The following CCDC134 variants were observed in gnomAD, a reference collection of about 807,000 sequenced individuals.
CCDC134 encodes coiled-coil domain-containing protein 134.
In CCDC134, 27 loss-of-function variants were observed where a neutral mutation model predicts 25.6. The ratio of observed to expected loss-of-function variants is 1.05; its 90% confidence interval spans 0.78 to 1.45. The LOEUF is 1.45. Among genes scored for constraint, CCDC134 ranks in the 40% most tolerant of loss-of-function variants. The pLI is 0.00. For synonymous variants in CCDC134, 110 were observed against 115.0 expected, an observed-to-expected ratio of 0.96 and a Z score of 0.28; for missense variants, 261 against 286.7, an observed-to-expected ratio of 0.91 and a Z score of 0.65.
chr22:41,825,183 C>T lies in CCDC134; in HGVS notation c.565-515C>T, dbSNP rs1026856085. Reference sequence around the variant, plus strand: ...AGGCCAACAGAAGCTATGAGTTAGACGAGACAATCTGGAGAGAGAGGAGGG... The same window carrying T: ...AGGCCAACAGAAGCTATGAGTTAGATGAGACAATCTGGAGAGAGAGGAGGG... On this transcript the variant is annotated intron_variant, in intron 6 of 6. Transcript: ENST00000255784. This position sits in a 1 kb window ranked among gnomAD's most constrained non-coding sequence, Gnocchi z 4.4. Among the ~76,000 whole-genome samples the T allele has an allele frequency of 3.9e-5, 6 of 151,996 alleles. No individual in the cohort carries two copies. Among genetic ancestry groups the T allele is most frequent in the African/African-American group, 4.8e-5 (2 of 41,352 alleles).
chr22:41,812,876 C>G (rs1271080630), intron 4 of CCDC134, among the ~76,000 whole-genome samples: 1 of 152,108 alleles, frequency 6.6e-6, no homozygotes, highest in Non-Finnish European at 1.5e-5. Flanking sequence ...TGTGATACAT[C>G]AGCATCTGTG....
At chr22:41,813,590 C>T in intron 5 of CCDC134, 145 bp downstream of exon 5, 2 of 1,228,478 alleles carry the variant, frequency 1.6e-6, no homozygotes, top group Non-Finnish European at 2.3e-6. Flanking sequence ...CCACAGAGGC[C>T]CCATTTCAAG....
At chr22:41,805,464 G>A (rs1298892622) in intron 1 of CCDC134, among the ~76,000 whole-genome samples, 1 of 152,050 alleles carries the variant, frequency 6.6e-6, no homozygotes, top group African/African-American at 2.4e-5. Flanking sequence ...TTCTTGAATA[G>A]TTTTCAAATT....
intron 1 of CCDC134, among the ~76,000 whole-genome samples, chr22:41,807,874 A>T (rs571650198): frequency 1.3e-5 from 2 of 152,038 alleles, no homozygotes; most frequent in Admixed American, 1.3e-4. Flanking sequence ...AAAAATAAAT[A>T]AAAAGGGCCG....
Position 41,813,785 on chromosome 22 carries a change from C to T in CCDC134, c.527C>T (p.Ser176Phe). 6.2e-7 allele frequency: 1 copy of T among 1,614,222 alleles called. No individual in the cohort carries two copies. The highest frequency in any genetic ancestry group is 8.5e-7 in the Non-Finnish European group (1 of 1,180,020). Reference sequence around the variant, plus strand: ...GAGCTGGGGATCAGTGAGAAAGACTCCAACTTCCAGAACCCATTTAAAATC... The same window carrying T: ...GAGCTGGGGATCAGTGAGAAAGACTTCAACTTCCAGAACCCATTTAAAATC... Reference protein sequence around the residue: ...AQELGISEKDSNFQNPFKIDR... With the variant: ...AQELGISEKDFNFQNPFKIDR... Residue 176 changes from serine to phenylalanine, a missense_variant, in exon 6 of 7, where the codon TCC becomes TTC. Coordinates refer to ENST00000255784, the MANE Select transcript of CCDC134 (RefSeq NM_024821.5).
At chr22:41,810,742 C>G (rs754883848) in intron 4 of CCDC134, among the ~76,000 whole-genome samples, 3 of 152,082 alleles carry the variant, frequency 2.0e-5, no homozygotes, top group Non-Finnish European at 4.4e-5. Flanking sequence ...GATCCGCCCA[C>G]CTCGGCCTCC....
At chr22:41,810,489 C>CTTTTTTTTTT (rs960666358) in intron 4 of CCDC134, among the ~76,000 whole-genome samples, 198 bp downstream of exon 4, 3 of 86,634 alleles carry the variant, frequency 3.5e-5, no homozygotes, top group African/African-American at 1.0e-4. Flanking sequence ...AATAGCATTT[C>CTTTTTTTTTT]TTTTTTTTTT....
Position 41,828,764 on chromosome 22 carries a change from C to A in CCDC134, c.*2941C>A, listed in dbSNP as rs940628663. On this transcript the variant is annotated 3_prime_UTR_variant, in exon 7 of 7. Coordinates refer to ENST00000255784, the MANE Select transcript of CCDC134 (RefSeq NM_024821.5). ...ACTATAGCGCTACCAACTGCATATA[C>A]CACTGTGGGAGTCGTGCTGGTGGCG... Among the ~76,000 whole-genome samples, 2 of 152,170 alleles carry A rather than the reference C, an allele frequency of 1.3e-5. No individual in the cohort carries two copies. The highest frequency in any genetic ancestry group is 4.8e-5 in the African/African-American group (2 of 41,446).
At chr22:41,813,949 A>C (rs759258621) in intron 6 of CCDC134, 127 bp downstream of exon 6, 80 of 741,640 alleles carry the variant, frequency 1.1e-4, no homozygotes, top group Admixed American at 3.2e-4. Context: ...GCCTGGGTCC[A>C]GAAGATATCA....
At chr22:41,801,895 A>C (rs937950862) in intron 1 of CCDC134, among the ~76,000 whole-genome samples, 2 of 152,228 alleles carry the variant, frequency 1.3e-5, no homozygotes, top group African/African-American at 2.4e-5. Flanking sequence ...AAAGGAAGAC[A>C]AAGGTTTTGA....
chr22:41,812,805 G>C (rs1243486208), intron 4 of CCDC134, among the ~76,000 whole-genome samples: 1 of 152,170 alleles, frequency 6.6e-6, no homozygotes, highest in Non-Finnish European at 1.5e-5. Context: ...GTTAACACCA[G>C]GGCCAGCACT....
At position 41,829,767 on chromosome 22, in the gene CCDC134, CTT is replaced by C. The variant is rs1027822749; in HGVS notation, c.*3946_*3947del. On this transcript the variant is annotated 3_prime_UTR_variant, in exon 7 of 7. Transcript: ENST00000255784. ...CCAGTCTAATCCATCCCTTTTCTTT[CTT>C]TCTTTCTTTTTTTTCTTTTTTTTTG... Among the ~76,000 whole-genome samples, 1 of 152,006 alleles carries C rather than the reference CTT, an allele frequency of 6.6e-6. No individual in the cohort carries two copies. The highest frequency in any genetic ancestry group is 2.4e-5 in the African/African-American group (1 of 41,416).
At chr22:41,812,520 G>A (rs1386578833) in intron 4 of CCDC134, among the ~76,000 whole-genome samples, 3 of 151,606 alleles carry the variant, frequency 2.0e-5, no homozygotes, top group South Asian at 2.1e-4. Context: ...ATTTCAGGCC[G>A]AGTGCAGTGG....
Position 41,809,843 on chromosome 22 carries a change from C to T in CCDC134, c.104-36C>T, listed in dbSNP as rs770182709. On this transcript the variant is annotated intron_variant, in intron 2 of 6. Coordinates refer to ENST00000255784, the MANE Select transcript of CCDC134 (RefSeq NM_024821.5). ...AGACTGCTGGATTGTCCAGGCAGGG[C>T]TATTGATGCCAGCCCCTTAACTTAA... is the stretch of plus-strand genomic sequence containing the variant. The T allele has an allele frequency of 1.9e-6, 3 of 1,613,100 alleles. No individual in the cohort carries two copies. In the Admixed American group the frequency reaches 5.0e-5, roughly 27 times the overall value.
At chr22:41,810,343 G>T in intron 4 of CCDC134, 52 bp downstream of exon 4, 1 of 1,505,876 alleles carries the variant, frequency 6.6e-7, no homozygotes, top group South Asian at 1.2e-5. Context: ...ATCTTCTCTA[G>T]CTGCTCCTTC....
In CCDC134 at chr22:41,831,959, T is replaced by G. The variant is rs2076714417; in HGVS notation, c.*6136T>G. On this transcript the variant is annotated 3_prime_UTR_variant, in exon 7 of 7. Transcript: ENST00000255784. ...ATTTTATCCCCATTTTAGAGATGAC[T>G]AAACTGAGGCTTAGAACAATTAACC... 6.6e-6 allele frequency: 1 copy of G among 152,202 alleles called. No individual in the cohort carries two copies. The highest frequency in any genetic ancestry group is 2.1e-4 in the South Asian group (1 of 4,830). 9.4% of individuals were successfully genotyped at this position (152,202 alleles called of 1,614,324 possible).
rs1252085207 is a variant in CCDC134 at position 41,830,072 on chromosome 22, T to C, written c.*4249T>C. ...AGGCGTAAGCAACCGTGCCCGGCTG[T>C]CCATCTCTTTTCAGATGAAGAGCTC... On this transcript the variant is annotated 3_prime_UTR_variant, in exon 7 of 7. Transcript: ENST00000255784. Among the ~76,000 whole-genome samples the C allele has an allele frequency of 2.0e-5, 3 of 152,170 alleles. No individual in the cohort carries two copies. Among genetic ancestry groups the C allele is most frequent in the Non-Finnish European group, 2.9e-5 (2 of 68,034 alleles).
Position 41,830,429 on chromosome 22 carries a change from A to G in CCDC134, c.*4606A>G, listed in dbSNP as rs2076700111. 6.6e-6 allele frequency among the ~76,000 whole-genome samples: 1 copy of G among 152,058 alleles called. No individual in the cohort carries two copies. The highest frequency in any genetic ancestry group is 2.4e-5 in the African/African-American group (1 of 41,390). On this transcript the variant is annotated 3_prime_UTR_variant, in exon 7 of 7. Transcript: ENST00000255784. The stretch of plus-strand genomic sequence containing the variant: ...GGTTGTGGGGGGTGCCCTGGGCCAG[A>G]GTGAGTTGTATGGGAGTTGTTGCTG...
chr22:41,823,363 T>A (rs993519945), intron 6 of CCDC134, among the ~76,000 whole-genome samples: 1 of 151,674 alleles, frequency 6.6e-6, no homozygotes, highest in African/African-American at 2.4e-5. Context: ...TAGCCGGGAA[T>A]ACAGGCGCCC....
Sources: allele counts gnomAD v4.1 joint callset (sites outside exome capture counted in the v4.1 genomes callset), GRCh38; gene constraint gnomAD v4.1.1; non-coding constraint Gnocchi (gnomAD v3.1); transcripts MANE v1.5; gene names NCBI Gene and HGNC (gene_info 2026-07-23, HGNC 2026-07-21).